Variants in PRKN observed in about 807,000 individuals in gnomAD.
The protein encoded by PRKN is E3 ubiquitin-protein ligase parkin.
In PRKN, 56 loss-of-function variants were observed where a neutral mutation model predicts 59.5. That is an observed-to-expected ratio of 0.94 (90% CI 0.76 to 1.18). PRKN has a LOEUF of 1.18. Ranked by LOEUF, PRKN falls within the 50% of genes most tolerant of loss-of-function variation. The pLI is 0.00. For synonymous variants in PRKN, 250 were observed against 222.1 expected (o/e 1.13, Z -1.12); for missense variants, 657 against 596.4 (o/e 1.10, Z -1.06).
intron 1 of PRKN, among the ~76,000 whole-genome samples, chr6:162,489,989 C>T (rs566093705): frequency 6.6e-6 from 1 of 152,250 alleles, no homozygotes; most frequent in East Asian, 1.9e-4. Flanking sequence ...AGGTCAGATG[C>T]AAATCACTTT....
rs1339584101 is a variant in PRKN, at chr6:161,350,174, G to A, written c.1323C>T (p.Cys441=). 1.9e-6 allele frequency: 3 copies of A among 1,613,396 alleles called. No individual in the cohort carries two copies. The highest frequency in any genetic ancestry group is 8.5e-7 in the Non-Finnish European group (1 of 1,179,920). Residue 441 remains cysteine, a synonymous_variant, in exon 12 of 12, where the codon TGC becomes TGT. Transcript: ENST00000366898. The part of the protein sequence containing the change: ...CMHMKCPQPQ[C]RLEWCWNCGC... ...CACAGTTCCAGCACCACTCGAGCCTGCACTGGGGCTGCGGACACTTCATGT... is the reference window on the plus strand; with the variant it reads ...CACAGTTCCAGCACCACTCGAGCCTACACTGGGGCTGCGGACACTTCATGT...
chr6:162,413,173 A>C (rs2128155559), intron 2 of PRKN, among the ~76,000 whole-genome samples: 1 of 152,264 alleles, frequency 6.6e-6, no homozygotes, highest in Non-Finnish European at 1.5e-5. Context: ...ATGCCTATAT[A>C]ATTGGCTTTA....
intron 1 of PRKN, among the ~76,000 whole-genome samples, chr6:162,473,495 T>G (rs780904772): frequency 1.3e-5 from 2 of 152,178 alleles, no homozygotes; most frequent in Non-Finnish European, 2.9e-5. Flanking sequence ...GAAGGACTAG[T>G]AAAGCCACCG....
At chr6:161,570,140 A>ATAT (rs1358601920) in intron 7 of PRKN, among the ~76,000 whole-genome samples, 108 of 133,370 alleles carry the variant, frequency 8.1e-4, no homozygotes, top group Middle Eastern at 3.8e-3. Flanking sequence ...AAAAAAAAAA[A>ATAT]AAAAAAATAT....
chr6:162,591,092 A>C (rs1387794143), intron 1 of PRKN, among the ~76,000 whole-genome samples: 3 of 152,168 alleles, frequency 2.0e-5, no homozygotes, highest in Non-Finnish European at 2.9e-5. Context: ...AAGATGCATC[A>C]GGCTGAGATT....
At chr6:162,726,063 A>T (rs1460876767) in intron 1 of PRKN, among the ~76,000 whole-genome samples, 1 of 152,214 alleles carries the variant, frequency 6.6e-6, no homozygotes, top group Non-Finnish European at 1.5e-5. Flanking sequence ...TTATTGGAAG[A>T]ATTCCAGATA....
At chr6:162,299,203 G>A (rs1781829342) in intron 2 of PRKN, among the ~76,000 whole-genome samples, 1 of 152,186 alleles carries the variant, frequency 6.6e-6, no homozygotes, top group Non-Finnish European at 1.5e-5. Flanking sequence ...GGCAGACAGA[G>A]ACACTGTGCT....
intron 7 of PRKN, among the ~76,000 whole-genome samples, chr6:161,661,762 C>T (rs555379814): frequency 8.5e-5 from 13 of 152,194 alleles, no homozygotes; most frequent in South Asian, 2.1e-4. Context: ...GTGGCTCCCA[C>T]GTGTAATCAC....
At chr6:161,591,506 GT>G (rs1781724618) in intron 7 of PRKN, among the ~76,000 whole-genome samples, 1 of 152,062 alleles carries the variant, frequency 6.6e-6, no homozygotes, top group Non-Finnish European at 1.5e-5. Context: ...GTTCAATGTT[GT>G]TTTTTTGTTT....
chr6:162,103,519 A>G (rs1389262577), intron 4 of PRKN, among the ~76,000 whole-genome samples: 2 of 152,210 alleles, frequency 1.3e-5, no homozygotes, highest in Non-Finnish European at 2.9e-5. Context: ...CAACAGAGTA[A>G]ACCAGGAATG....
intron 2 of PRKN, among the ~76,000 whole-genome samples, chr6:162,349,693 C>A (rs1784545999): frequency 6.6e-6 from 1 of 152,134 alleles, no homozygotes. Context: ...GAGAAGTAAA[C>A]TTCCTTGCCC....
intron 1 of PRKN, among the ~76,000 whole-genome samples, chr6:162,546,136 C>G (rs1213087129): frequency 3.7e-5 from 5 of 136,552 alleles, no homozygotes; most frequent in Non-Finnish European, 7.6e-5. Flanking sequence ...CAGAGTCTCA[C>G]TCTGTTGCTC....
At chr6:162,523,720 A>G (rs976781533) in intron 1 of PRKN, among the ~76,000 whole-genome samples, 2 of 151,988 alleles carry the variant, frequency 1.3e-5, no homozygotes, top group African/African-American at 2.4e-5. Context: ...TGGGGTCAAA[A>G]AATCTATGAA....
At chr6:162,368,704 A>T (rs533970086) in intron 2 of PRKN, among the ~76,000 whole-genome samples, 9 of 152,288 alleles carry the variant, frequency 5.9e-5, no homozygotes, top group African/African-American at 2.2e-4. Context: ...CCAAAGCAAT[A>T]CCTCAATGCA....
intron 1 of PRKN, among the ~76,000 whole-genome samples, chr6:162,517,301 G>A (rs1777903098): frequency 6.6e-6 from 1 of 150,426 alleles, no homozygotes; most frequent in Admixed American, 6.6e-5. Flanking sequence ...AGGCTGGAGT[G>A]CAGTGACACA....
At chr6:161,722,049 G>A (rs1787243105) in intron 7 of PRKN, among the ~76,000 whole-genome samples, 1 of 152,106 alleles carries the variant, frequency 6.6e-6, no homozygotes, top group Non-Finnish European at 1.5e-5. Context: ...CATAGTCTGG[G>A]AAACTGGCCT....
chr6:161,671,103 A>C, intron 7 of PRKN, among the ~76,000 whole-genome samples: 1 of 152,140 alleles, frequency 6.6e-6, no homozygotes, highest in East Asian at 1.9e-4. Flanking sequence ...TGAATCTAAA[A>C]TCTAATTCTG....
intron 10 of PRKN, among the ~76,000 whole-genome samples, chr6:161,368,477 T>C: frequency 6.8e-6 from 1 of 147,792 alleles, no homozygotes. Context: ...ATCACTTGAA[T>C]CCAGAAGGTG....
Position 161,451,260 on chromosome 6 carries a change from A to G in PRKN, c.1084-64383T>C, listed in dbSNP as rs1012490209. On this transcript the variant is annotated intron_variant, in intron 9 of 11. Coordinates refer to ENST00000366898, the MANE Select transcript of PRKN (RefSeq NM_004562.3). This position sits in a 1 kb window ranked among gnomAD's most constrained non-coding sequence, Gnocchi z 5.9. Reference sequence around the variant, plus strand: ...GTCTCTTTTATCCTACCGTCATCTCATTTCCAGATAAAACACCTCCAGTTT... The same window carrying G: ...GTCTCTTTTATCCTACCGTCATCTCGTTTCCAGATAAAACACCTCCAGTTT... Among the ~76,000 whole-genome samples the G allele has an allele frequency of 2.7e-4, 41 of 152,150 alleles. No individual in the cohort carries two copies. The highest frequency in any genetic ancestry group is 9.7e-4 in the African/African-American group (40 of 41,424).
Sources: gnomAD v4.1 joint callset for allele counts (sites outside exome capture counted in the v4.1 genomes callset) on GRCh38, gnomAD v4.1.1 for gene constraint, Gnocchi (gnomAD v3.1) non-coding constraint, MANE v1.5 for transcripts, NCBI Gene and HGNC (gene_info 2026-07-23, HGNC 2026-07-21) for gene names.